NTRK2: variants seen among roughly 807,000 people sequenced by gnomAD.
NTRK2 encodes the protein BDNF/NT-3 growth factors receptor.
Under a neutral mutation model 94.5 loss-of-function variants are expected in NTRK2, and 13 were observed. The observed-to-expected ratio is 0.14, with a 90% CI of 0.09 to 0.22. NTRK2 has a LOEUF of 0.22. NTRK2 is among the 10% of genes least tolerant of loss of function. NTRK2 has a pLI of 1.00. For missense variants in NTRK2, 639 were observed against 1,071.2 expected (o/e 0.60, Z 5.63); for synonymous variants, 372 against 407.4 (o/e 0.91, Z 1.05).
chr9:84,911,125 G>A (rs2077224501), intron 14 of NTRK2, among the ~76,000 whole-genome samples: 1 of 152,058 alleles, frequency 6.6e-6, no homozygotes, highest in Non-Finnish European at 1.5e-5. Flanking sequence ...TATTCAACTA[G>A]CCTTGCATTC....
rs536445167 is a variant in NTRK2 at position 84,675,324 on chromosome 9, C to CTTTT, written c.212+4388_212+4391dup. On this transcript the variant is annotated intron_variant, in intron 2 of 18. Coordinates refer to ENST00000277120, the MANE Select transcript of NTRK2 (RefSeq NM_006180.6). ...CTCTTCTCCTTTCTTTCTTTCTTTC[C>CTTTT]TTTTTTTTTTTTTTTTTTTTTTTTT... Among the ~76,000 whole-genome samples, 57 of 67,318 alleles carry CTTTT rather than the reference C, an allele frequency of 8.5e-4. 3 individuals are homozygous for CTTTT. The highest frequency in any genetic ancestry group is 3.1e-3 in the African/African-American group (51 of 16,510). 44.2% of individuals were successfully genotyped at this position (67,318 alleles called of 152,430 possible). A position where few individuals can be genotyped will look rare whatever the true frequency, so the allele number is the denominator to read the frequency against.
chr9:84,877,595 GC>G, intron 14 of NTRK2: 1 of 1,065,962 alleles, frequency 9.4e-7, no homozygotes, highest in Non-Finnish European at 1.1e-6. Context: ...GCCTGCTGCT[GC>G]TGCACCATGT....
At position 84,731,022 on chromosome 9, in the gene NTRK2, G is replaced by A. The variant is rs79118939; in HGVS notation, c.1159+3063G>A. 9.7e-3 allele frequency among the ~76,000 whole-genome samples: 1,478 copies of A among 151,896 alleles called. 21 individuals carry two copies. Among genetic ancestry groups the A allele is most frequent in the African/African-American group, 0.034 (1,405 of 41,408 alleles). ...TTATTTGTTATATTGGAAGTTTCCC[G>A]GCTTACAAGGAAGCAGGCAGCCTGG... On this transcript the variant is annotated intron_variant, in intron 9 of 18. Transcript: ENST00000277120.
At chr9:84,715,902 T>G (rs1336196420) in intron 6 of NTRK2, among the ~76,000 whole-genome samples, 1 of 152,188 alleles carries the variant, frequency 6.6e-6, no homozygotes, top group Non-Finnish European at 1.5e-5. Context: ...GGATGTTATA[T>G]TTTAATTTTA....
At chr9:84,905,873 T>C (rs1472234053) in intron 14 of NTRK2, among the ~76,000 whole-genome samples, 1 of 152,168 alleles carries the variant, frequency 6.6e-6, no homozygotes, top group Non-Finnish European at 1.5e-5. Context: ...TGGCTGCTGA[T>C]TGGATGTATA....
At chr9:85,015,294 A>C (rs1054420147) in intron 17 of NTRK2, among the ~76,000 whole-genome samples, 1 of 152,142 alleles carries the variant, frequency 6.6e-6, no homozygotes, top group East Asian at 1.9e-4. Context: ...GGGGTTTCTT[A>C]TACAACTTAG....
intron 6 of NTRK2, among the ~76,000 whole-genome samples, chr9:84,717,736 T>C (rs981835386): frequency 1.3e-5 from 2 of 152,242 alleles, no homozygotes; most frequent in African/African-American, 4.8e-5. Context: ...ATTACTATCA[T>C]CAACAAGAAT....
intron 2 of NTRK2, among the ~76,000 whole-genome samples, chr9:84,699,855 G>A (rs1171049025): frequency 6.6e-6 from 1 of 150,640 alleles, no homozygotes; most frequent in Non-Finnish European, 1.5e-5. Flanking sequence ...TTATTTGCTG[G>A]TTCGTTGTAT....
chr9:84,986,241 C>A (rs1369823044), intron 17 of NTRK2, among the ~76,000 whole-genome samples: 1 of 152,142 alleles, frequency 6.6e-6, no homozygotes, highest in Non-Finnish European at 1.5e-5. Context: ...GATAGTAATT[C>A]TCTAGAGCAG....
intron 17 of NTRK2, among the ~76,000 whole-genome samples, chr9:85,008,733 T>A (rs796152439): frequency 2.6e-5 from 4 of 152,268 alleles, no homozygotes; most frequent in African/African-American, 9.6e-5. Context: ...ATCATACAAC[T>A]CCAGGAGGAG....
chr9:84,820,120 T>C (rs937218286), intron 12 of NTRK2, among the ~76,000 whole-genome samples: 3 of 151,918 alleles, frequency 2.0e-5, no homozygotes, highest in Admixed American at 2.0e-4. Flanking sequence ...AATTTTTGAC[T>C]GCCCCAAAAC....
chr9:84,691,158 C>T (rs956407356), intron 2 of NTRK2, among the ~76,000 whole-genome samples: 1 of 152,160 alleles, frequency 6.6e-6, no homozygotes, highest in Non-Finnish European at 1.5e-5. Context: ...CCTACTAATT[C>T]CACAGGAACA....
chr9:84,762,976 G>A (rs1440487443), intron 12 of NTRK2, among the ~76,000 whole-genome samples: 1 of 152,056 alleles, frequency 6.6e-6, no homozygotes, highest in East Asian at 1.9e-4. Flanking sequence ...GTTGTCCTTG[G>A]CCACCACTCT....
At chr9:84,686,104 A>G (rs925420118) in intron 2 of NTRK2, among the ~76,000 whole-genome samples, 2 of 152,222 alleles carry the variant, frequency 1.3e-5, no homozygotes, top group African/African-American at 2.4e-5. Flanking sequence ...GGTCATCAAT[A>G]TGTAAATCTC....
intron 14 of NTRK2, among the ~76,000 whole-genome samples, chr9:84,931,923 C>T (rs1368386012): frequency 2.0e-5 from 3 of 152,066 alleles, no homozygotes; most frequent in African/African-American, 4.8e-5. Context: ...ACATTTCTCT[C>T]CTCTTAAATT....
At chr9:84,668,688 G>C (rs2058512016), upstream of NTRK2, 1 of 152,232 alleles carries the variant, frequency 6.6e-6, no homozygotes, top group South Asian at 2.1e-4. Context: ...CTCTGCCCGC[G>C]CCTGGCTTCT....
At chr9:84,757,150 C>G (rs914337025) in intron 12 of NTRK2, among the ~76,000 whole-genome samples, 5 of 152,088 alleles carry the variant, frequency 3.3e-5, no homozygotes, top group African/African-American at 9.7e-5. Flanking sequence ...GCACCCTCTT[C>G]CTTCTTCTTT....
At chr9:84,753,050 G>C (rs756375905) in intron 12 of NTRK2, among the ~76,000 whole-genome samples, 4 of 152,174 alleles carry the variant, frequency 2.6e-5, no homozygotes, top group Non-Finnish European at 4.4e-5. Flanking sequence ...AGCATACACT[G>C]ACATCTGGGA....
intron 2 of NTRK2, among the ~76,000 whole-genome samples, chr9:84,682,572 C>A (rs1305012955): frequency 6.6e-6 from 1 of 152,108 alleles, no homozygotes; most frequent in African/African-American, 2.4e-5. Flanking sequence ...TCTGTCTACT[C>A]CAATCTTGTT....
Sources: allele counts gnomAD v4.1 joint callset (sites outside exome capture counted in the v4.1 genomes callset), GRCh38; gene constraint gnomAD v4.1.1; transcripts MANE v1.5; gene names NCBI Gene and HGNC (gene_info 2026-07-23, HGNC 2026-07-21).